The following ANKRD31 variants were observed in gnomAD, a reference collection of about 807,000 sequenced individuals.
ANKRD31 encodes ankyrin repeat domain-containing protein 31.
ANKRD31 carries 147 observed loss-of-function variants against 186.0 expected under a neutral mutation model. That is an observed-to-expected ratio of 0.79 (90% CI 0.69 to 0.91). The LOEUF (loss-of-function observed/expected upper bound fraction) is 0.91. Among genes scored for constraint, ANKRD31 ranks in the 40% least tolerant of loss-of-function variants. ANKRD31 has a pLI of 0.00. For missense variants in ANKRD31, 1,986 were observed against 2,148.8 expected, an observed-to-expected ratio of 0.92 and a Z score of 1.50; for synonymous variants, 673 against 736.4, an observed-to-expected ratio of 0.91 and a Z score of 1.39.
chr5:75,100,430 C>G (rs1381446834), intron 22 of ANKRD31, among the ~76,000 whole-genome samples: 1 of 152,070 alleles, frequency 6.6e-6, no homozygotes, highest in East Asian at 1.9e-4. Flanking sequence ...CTGTAGATGC[C>G]TATTAGGTCT....
At chr5:75,234,612 G>T (rs917735599) in intron 1 of ANKRD31, among the ~76,000 whole-genome samples, 1 of 152,188 alleles carries the variant, frequency 6.6e-6, no homozygotes, top group Non-Finnish European at 1.5e-5. Context: ...GGCAACCAAG[G>T]TGTTTGATTG....
At chr5:75,177,114 G>A (rs7707394) in intron 10 of ANKRD31, among the ~76,000 whole-genome samples, 77,229 of 152,036 alleles carry the variant, frequency 0.51, 22,674 homozygotes, top group African/African-American at 0.82. Context: ...GATGCGATCA[G>A]TTGGAAGAAA....
intron 22 of ANKRD31, among the ~76,000 whole-genome samples, chr5:75,098,966 T>G (rs1355097714): frequency 6.6e-6 from 1 of 152,208 alleles, no homozygotes; most frequent in East Asian, 1.9e-4. Flanking sequence ...TCCAAAAGTA[T>G]GTTGAATAGG....
chr5:75,088,416 G>C (rs571932849), intron 23 of ANKRD31, among the ~76,000 whole-genome samples: 2 of 152,326 alleles, frequency 1.3e-5, no homozygotes, highest in South Asian at 4.1e-4. Context: ...TTCATCTGCA[G>C]TAATTCACTG....
chr5:75,235,266 G>A (rs1394502953), intron 1 of ANKRD31, among the ~76,000 whole-genome samples: 5 of 105,844 alleles, frequency 4.7e-5, no homozygotes, highest in African/African-American at 7.7e-5. Context: ...TTTTTTTTGA[G>A]ATAGAGTCTC....
At chr5:75,068,953 C>T (rs1471830004) in intron 25 of ANKRD31, among the ~76,000 whole-genome samples, 2 of 152,142 alleles carry the variant, frequency 1.3e-5, no homozygotes, top group Non-Finnish European at 2.9e-5. Flanking sequence ...GCCTCAATTT[C>T]CAATAAACGG....
chr5:75,133,136 T>C (rs554645897), intron 17 of ANKRD31, among the ~76,000 whole-genome samples: 2 of 152,284 alleles, frequency 1.3e-5, no homozygotes, highest in Non-Finnish European at 2.9e-5. Flanking sequence ...AACACCATAA[T>C]GACAGGATCA....
Position 75,212,582 on chromosome 5 carries a change from G to A in ANKRD31, c.289-1717C>T, listed in dbSNP as rs560663597. On this transcript the variant is annotated intron_variant, in intron 3 of 25. Transcript: ENST00000506364. ...AGGGAGGTCAAGGCTGCAGTGAGCT[G>A]TGATGGCACCACTGCACCCCAGCCT... Among the ~76,000 whole-genome samples, 5 of 152,304 alleles carry A rather than the reference G, an allele frequency of 3.3e-5. No individual in the cohort carries two copies. The South Asian group carries it at 6.2e-4, about 19-fold the overall frequency.
chr5:75,236,815 G>A lies in ANKRD31; in HGVS notation c.-129C>T, dbSNP rs1438628382. The A allele has an allele frequency of 3.7e-6, 3 of 807,674 alleles. No individual in the cohort carries two copies. The highest frequency in any genetic ancestry group is 3.8e-5 in the South Asian group (2 of 53,138). The allele number at this position is 807,674 out of a possible 1,614,324, so 50.0% of individuals were successfully genotyped here. On this transcript the variant is annotated 5_prime_UTR_variant, in exon 1 of 26. Transcript: ENST00000506364. Reference sequence around the variant, plus strand: ...AAATAATATAATCGCAGCAGGAGCCGGGACTTGTCGCAGGGCTGCTGAGGA... The same window carrying A: ...AAATAATATAATCGCAGCAGGAGCCAGGACTTGTCGCAGGGCTGCTGAGGA...
At chr5:75,075,635 A>C (rs1744576624) in intron 25 of ANKRD31, among the ~76,000 whole-genome samples, 1 of 152,120 alleles carries the variant, frequency 6.6e-6, no homozygotes, top group South Asian at 2.1e-4. Context: ...CAATCCAACC[A>C]TACCCTTACT....
chr5:75,188,344 T>C (rs775943015), intron 10 of ANKRD31, 149 bp downstream of exon 10: 30 of 686,580 alleles, frequency 4.4e-5, no homozygotes, highest in Admixed American at 1.4e-4. Flanking sequence ...TGAAAGATAA[T>C]GGTGATGAGC....
intron 10 of ANKRD31, among the ~76,000 whole-genome samples, chr5:75,184,765 A>C (rs1392163159): frequency 1.3e-5 from 2 of 152,178 alleles, no homozygotes; most frequent in Admixed American, 1.3e-4. Context: ...TTTTGGTGGG[A>C]ATGTAAATTA....
intron 10 of ANKRD31, 143 bp from the exon 11 acceptor site, chr5:75,169,264 G>A (rs1301189079): frequency 1.0e-6 from 1 of 954,146 alleles, no homozygotes; most frequent in Middle Eastern, 2.4e-4. Context: ...TCACCTGAAA[G>A]CACACTGTAT....
chr5:75,181,440 G>A (rs1018598923), intron 10 of ANKRD31, among the ~76,000 whole-genome samples: 14 of 152,084 alleles, frequency 9.2e-5, no homozygotes, highest in Admixed American at 2.6e-4. Flanking sequence ...GCACACGTAC[G>A]TTTATTGCGG....
intron 24 of ANKRD31, among the ~76,000 whole-genome samples, chr5:75,082,936 T>C (rs1745197825): frequency 6.6e-6 from 1 of 152,224 alleles, no homozygotes; most frequent in Non-Finnish European, 1.5e-5. Context: ...TCAGTTGCTA[T>C]GGAAAACAGA....
At position 75,210,867 on chromosome 5, in the gene ANKRD31, T is replaced by C. The variant is rs1285570384; in HGVS notation, c.289-2A>G. 3 of 1,508,360 alleles carry C rather than the reference T, an allele frequency of 2.0e-6. No homozygotes were observed. Among genetic ancestry groups the C allele is most frequent in the African/African-American group, 2.8e-5 (2 of 71,112 alleles). The allele number at this position is 1,508,360 out of a possible 1,614,324, so 93.4% of individuals were successfully genotyped here. On this transcript the variant is annotated splice_acceptor_variant, in intron 3 of 25. Transcript: ENST00000506364. LOFTEE classifies it high-confidence loss of function. ...ATTTCGTTCTGTTTCATCTTGAGACTGCTAGGAAAAAAAAAAGTTTTTTCC... is the reference window on the plus strand; with the variant it reads ...ATTTCGTTCTGTTTCATCTTGAGACCGCTAGGAAAAAAAAAAGTTTTTTCC...
In ANKRD31 at chr5:75,105,121, T is replaced by C. The variant is rs779813854; in HGVS notation, c.4438A>G (p.Lys1480Glu). 3 of 1,537,020 alleles carry C rather than the reference T, an allele frequency of 2.0e-6. No individual in the cohort carries two copies. The highest frequency in any genetic ancestry group is 2.6e-6 in the Non-Finnish European group (3 of 1,146,858). Residue 1480 changes from lysine (K) to glutamate (E), a missense_variant, in exon 22 of 26, where the codon AAA becomes GAA. By Grantham distance (56) the Lys-to-Glu change is moderately conservative. Transcript: ENST00000506364. Reference protein sequence around the residue: ...KSLLVVAKKQKKISLKIQNCR... With the variant: ...KSLLVVAKKQEKISLKIQNCR... ...TTTTGAATTTTCAGGCTTATTTTTT[T>C]CTGTTTTTTTGCCACAACTAAAAGG...
intron 17 of ANKRD31, among the ~76,000 whole-genome samples, chr5:75,133,557 A>T (rs10146308): frequency 2.6e-5 from 4 of 152,206 alleles, no homozygotes; most frequent in Non-Finnish European, 5.9e-5. Context: ...CTCCCACACA[A>T]TAATAATGGC....
intron 17 of ANKRD31, among the ~76,000 whole-genome samples, chr5:75,135,257 T>C (rs902273775): frequency 1.3e-5 from 2 of 152,188 alleles, no homozygotes; most frequent in African/African-American, 4.8e-5. Context: ...TGATTGTATA[T>C]TTAGGAAACC....
Sources: allele counts gnomAD v4.1 joint callset (sites outside exome capture counted in the v4.1 genomes callset), GRCh38; gene constraint gnomAD v4.1.1; transcripts MANE v1.5; gene names NCBI Gene and HGNC (gene_info 2026-07-23, HGNC 2026-07-21).